CDC42BPB: variants seen among roughly 807,000 people sequenced by gnomAD.
The protein encoded by CDC42BPB is serine/threonine-protein kinase MRCK beta.
A neutral mutation model predicts 214.9 loss-of-function variants in CDC42BPB; 37 were observed. The observed-to-expected ratio is 0.17, with a 90% CI of 0.13 to 0.23. The LOEUF (loss-of-function observed/expected upper bound fraction) is 0.23. Among genes scored for constraint, CDC42BPB ranks in the 10% least tolerant of loss-of-function variants. CDC42BPB has a pLI of 1.00. For synonymous variants in CDC42BPB, 931 were observed against 884.0 expected, an observed-to-expected ratio of 1.05 and a Z score of -0.94; for missense variants, 1,694 against 2,227.0, an observed-to-expected ratio of 0.76 and a Z score of 4.82.
intron 14 of CDC42BPB, 67 bp from the exon 15 acceptor site, chr14:102,968,783 C>G: frequency 6.3e-7 from 1 of 1,578,242 alleles, no homozygotes; most frequent in Non-Finnish European, 8.6e-7. Context: ...GTCCTTTCAA[C>G]CCCTTTCATC....
chr14:102,945,690 C>G lies in CDC42BPB; in HGVS notation c.3783G>C (p.Gly1261=). Residue 1261 remains glycine (G), a synonymous_variant, in exon 29 of 37, where the codon GGG becomes GGC. Coordinates refer to ENST00000361246, the MANE Select transcript of CDC42BPB (RefSeq NM_006035.4). ...CTCGGGTGACCTCTATGACATAGAG[C>G]CCTTCTTCTAGGCCGACTGCAATCC... The part of the protein sequence containing the change: ...ADRIAVGLEE[G]LYVIEVTRDV... 6.2e-7 allele frequency: 1 copy of G among 1,612,902 alleles called. No individual in the cohort carries two copies. Among genetic ancestry groups the G allele is most frequent in the Non-Finnish European group, 8.5e-7 (1 of 1,179,882 alleles).
Position 103,057,177 on chromosome 14 carries a change from G to A in CDC42BPB, c.-4C>T, listed in dbSNP as rs1483440842. 5.6e-6 allele frequency: 8 copies of A among 1,417,808 alleles called. No individual in the cohort carries two copies. Among genetic ancestry groups the A allele is most frequent in the Admixed American group, 2.7e-5 (1 of 37,334 alleles). 87.8% of individuals were successfully genotyped at this position (1,417,808 alleles called of 1,614,324 possible). ...TGAGCCGCACCTTGGCCGACATGGTGCCGCGCGGCCCGCTCCCGACGCGCC... is the reference window on the plus strand; with the variant it reads ...TGAGCCGCACCTTGGCCGACATGGTACCGCGCGGCCCGCTCCCGACGCGCC... On this transcript the variant is annotated 5_prime_UTR_variant, in exon 1 of 37. Transcript: ENST00000361246.
intron 7 of CDC42BPB, among the ~76,000 whole-genome samples, chr14:102,982,104 A>G (rs1401743321): frequency 6.6e-6 from 1 of 152,222 alleles, no homozygotes; most frequent in Admixed American, 6.5e-5. Context: ...ACGAAGTCCC[A>G]GTTGTTACTT....
chr14:102,991,108 C>T (rs1294567263), intron 5 of CDC42BPB, among the ~76,000 whole-genome samples: 2 of 151,874 alleles, frequency 1.3e-5, no homozygotes, highest in African/African-American at 2.4e-5. Flanking sequence ...TTAAAAGTAT[C>T]TCCCCACAGG....
intron 1 of CDC42BPB, among the ~76,000 whole-genome samples, chr14:103,020,174 G>T (rs1441704764): frequency 5.3e-5 from 8 of 152,240 alleles, no homozygotes; most frequent in Non-Finnish European, 8.8e-5. Flanking sequence ...CTGCTTTGTG[G>T]CCACAATCAA....
chr14:102,967,814 C>T (rs960697833), intron 16 of CDC42BPB, among the ~76,000 whole-genome samples: 2 of 152,138 alleles, frequency 1.3e-5, no homozygotes, highest in South Asian at 2.1e-4. Flanking sequence ...CACCAAACTT[C>T]GGCCGGCGCA....
chr14:103,041,886 TGAA>T, intron 1 of CDC42BPB: 1 of 421,168 alleles, frequency 2.4e-6, no homozygotes, highest in East Asian at 6.8e-5. Flanking sequence ...ACAGTTCTGC[TGAA>T]GAACTGAAAC....
chr14:103,053,278 C>T (rs1220448956), intron 1 of CDC42BPB, among the ~76,000 whole-genome samples: 1 of 151,684 alleles, frequency 6.6e-6, no homozygotes, highest in South Asian at 2.1e-4. Flanking sequence ...ACCCGGGAGG[C>T]GGAGGTTGCA....
At chr14:102,974,245 A>G (rs1480645353) in intron 11 of CDC42BPB, 96 bp from the exon 12 acceptor site, 24 of 1,525,680 alleles carry the variant, frequency 1.6e-5, no homozygotes, top group Non-Finnish European at 2.1e-5. Context: ...TTATTTAATA[A>G]TTCACAACAC....
At chr14:103,041,845 C>T in intron 1 of CDC42BPB, 1 of 397,166 alleles carries the variant, frequency 2.5e-6, no homozygotes, top group South Asian at 2.4e-5. Flanking sequence ...CACCCTCTAC[C>T]CCAGGAAGCC....
chr14:103,010,680 A>G (rs1323478448), intron 2 of CDC42BPB, among the ~76,000 whole-genome samples: 1 of 152,206 alleles, frequency 6.6e-6, no homozygotes, highest in Non-Finnish European at 1.5e-5. Context: ...ACAGTTCCCC[A>G]GCCAAGGAGA....
chr14:103,012,455 A>AGT (rs1886212157), intron 1 of CDC42BPB: 1 of 159,916 alleles, frequency 6.3e-6, no homozygotes, highest in Non-Finnish European at 1.3e-5. Context: ...CATACAGAAC[A>AGT]GTGATCCCAC....
At chr14:102,941,031 G>T in intron 30 of CDC42BPB, 1 of 815,700 alleles carries the variant, frequency 1.2e-6, no homozygotes, top group Non-Finnish European at 1.5e-6. Context: ...AAAGCCTTTG[G>T]CCATTTGGAG....
intron 21 of CDC42BPB, among the ~76,000 whole-genome samples, chr14:102,958,173 A>G (rs1892794779): frequency 6.6e-6 from 1 of 152,250 alleles, no homozygotes; most frequent in Non-Finnish European, 1.5e-5. Context: ...CAAGGGACAC[A>G]TGGATATGGG....
intron 1 of CDC42BPB, among the ~76,000 whole-genome samples, chr14:103,038,844 A>G (rs757343889): frequency 6.6e-6 from 1 of 152,032 alleles, no homozygotes; most frequent in Non-Finnish European, 1.5e-5. Context: ...TTATGGTAAA[A>G]TATACGTAAC....
chr14:103,045,624 G>C (rs1254142456), intron 1 of CDC42BPB, among the ~76,000 whole-genome samples: 1 of 152,152 alleles, frequency 6.6e-6, no homozygotes, highest in African/African-American at 2.4e-5. Context: ...AGAGAAAAAA[G>C]AAAAACCTGC....
At chr14:103,017,448 T>C (rs1886530270) in intron 1 of CDC42BPB, among the ~76,000 whole-genome samples, 1 of 152,034 alleles carries the variant, frequency 6.6e-6, no homozygotes, top group South Asian at 2.1e-4. Context: ...TACCTATCAA[T>C]TACGCAGGGA....
intron 4 of CDC42BPB, 37 bp downstream of exon 4, chr14:103,003,891 C>A (rs188377599): frequency 3.3e-6 from 5 of 1,528,350 alleles, no homozygotes; most frequent in East Asian, 2.3e-5. Flanking sequence ...AAAGCCGGAG[C>A]GAATGCCCTG....
intron 5 of CDC42BPB, among the ~76,000 whole-genome samples, chr14:102,992,651 A>G (rs1236402532): frequency 6.6e-6 from 1 of 152,076 alleles, no homozygotes; most frequent in Non-Finnish European, 1.5e-5. Flanking sequence ...TTCAAAAACA[A>G]TTTTTGTCTC....
Sources: allele counts gnomAD v4.1 joint callset (sites outside exome capture counted in the v4.1 genomes callset), GRCh38; gene constraint gnomAD v4.1.1; transcripts MANE v1.5; gene names NCBI Gene and HGNC (gene_info 2026-07-23, HGNC 2026-07-21).